Variants in TOM1L1 observed in about 807,000 individuals in gnomAD.
The protein encoded by TOM1L1 is TOM1-like protein 1.
In TOM1L1, 64 loss-of-function variants were observed where a neutral mutation model predicts 63.4. The observed-to-expected ratio is 1.01, with a 90% CI of 0.83 to 1.24. The LOEUF is 1.24. TOM1L1 is among the 50% of genes most tolerant of loss of function. The probability of loss-of-function intolerance (pLI) is 0.00; values close to 1 mark genes in which losing one functional copy is unlikely to be tolerated. For missense variants in TOM1L1, 536 were observed against 567.0 expected, an observed-to-expected ratio of 0.95 and a Z score of 0.55; for synonymous variants, 166 against 194.4, an observed-to-expected ratio of 0.85 and a Z score of 1.22.
At position 54,913,280 on chromosome 17, in the gene TOM1L1, T is replaced by C. The variant is rs75791935; in HGVS notation, c.372+465T>C. Reference sequence around the variant, plus strand: ...TTTATATTTTCCTAGCCTTTGAAAATGAGCATTTTGCCCATGGCATTCAAA... The same window carrying C: ...TTTATATTTTCCTAGCCTTTGAAAACGAGCATTTTGCCCATGGCATTCAAA... On this transcript the variant is annotated intron_variant, in intron 4 of 15. Coordinates refer to ENST00000575882, the MANE Select transcript of TOM1L1 (RefSeq NM_005486.3). Among the ~76,000 whole-genome samples, 367 of 152,326 alleles carry C rather than the reference T, an allele frequency of 2.4e-3. 1 individual carries two copies. Among genetic ancestry groups the C allele is most frequent in the Non-Finnish European group, 4.7e-3 (320 of 68,020 alleles).
chr17:54,949,203 A>ATTTTT lies in TOM1L1; in HGVS notation c.1183-303_1183-299dup, dbSNP rs58407367. 5.7e-3 allele frequency among the ~76,000 whole-genome samples: 698 copies of ATTTTT among 122,250 alleles called. 19 individuals carry two copies. The highest frequency in any genetic ancestry group is 8.6e-3 in the Admixed American group (98 of 11,386). The allele number at this position is 122,250 out of a possible 152,430, so 80.2% of individuals were successfully genotyped here. On this transcript the variant is annotated intron_variant, in intron 12 of 15. Transcript: ENST00000575882. ...CAGGTGTGAGCCACCATGCCCAGCT[A>ATTTTT]TTTTTTTTTTTTTTTTGTAGAGTTG...
Position 54,961,490 on chromosome 17 carries a change from A to G in TOM1L1, c.*257A>G. 9 of 1,436,592 alleles carry G rather than the reference A, an allele frequency of 6.3e-6. No individual in the cohort carries two copies. The South Asian group carries it at 1.3e-4, about 21-fold the overall frequency. 89.0% of individuals were successfully genotyped at this position (1,436,592 alleles called of 1,614,324 possible). A position where few individuals can be genotyped will look rare whatever the true frequency, so the allele number is the denominator to read the frequency against. ...AACTTCAGCAGAAGAAAAATTACTT[A>G]GTCCTTAGGCCAACCAATTTAACTG... On this transcript the variant is annotated 3_prime_UTR_variant, in exon 16 of 16. Transcript: ENST00000575882.
chr17:54,937,147 C>T lies in TOM1L1; in HGVS notation c.954C>T (p.Leu318=), dbSNP rs148676510. ...SEPSAPSQDL[L]DLSPSPRMPR... is the part of the protein sequence containing the mutation. ...CTTCTGCCCCATCTCAAGATCTCCTCGACCTAAGTCCCAGTCCCCGGATGC... is the reference window on the plus strand; with the variant it reads ...CTTCTGCCCCATCTCAAGATCTCCTTGACCTAAGTCCCAGTCCCCGGATGC... The change falls in exon 10 of 16, where the codon CTC becomes CTT. Residue 318 remains leucine (L), a synonymous_variant. Coordinates refer to ENST00000575882, the MANE Select transcript of TOM1L1 (RefSeq NM_005486.3). The T allele has an allele frequency of 2.2e-4, 356 of 1,612,894 alleles. No individual in the cohort carries two copies. The highest frequency in any genetic ancestry group is 2.7e-4 in the Non-Finnish European group (321 of 1,179,874).
chr17:54,932,708 A>ACCGC (rs1244755772), intron 8 of TOM1L1, among the ~76,000 whole-genome samples: 1 of 152,184 alleles, frequency 6.6e-6, no homozygotes, highest in Admixed American at 6.5e-5. Context: ...GGCGTGAGCC[A>ACCGC]CCGCGCCTGG....
At chr17:54,904,183 C>T (rs996195345) in intron 2 of TOM1L1, among the ~76,000 whole-genome samples, 1 of 151,892 alleles carries the variant, frequency 6.6e-6, no homozygotes, top group Non-Finnish European at 1.5e-5. Flanking sequence ...CTGGCTAACA[C>T]GTTGAAACCC....
Position 54,914,687 on chromosome 17 carries a change from G to A in TOM1L1, c.547G>A (p.Ala183Thr). The A allele has an allele frequency of 6.2e-7, 1 of 1,613,950 alleles. No homozygotes were observed. The change falls in exon 6 of 16, where the codon GCT becomes ACT. Residue 183 changes from alanine to threonine, a missense_variant. Transcript: ENST00000575882. ...TCCAACATCTGTCCCTACTGCACCA[G>A]CTCTTTCTTCTGTAATTGCTCCAAA... ...NPPTSVPTAPALSSVIAPKNS... is the reference protein window; with the variant it reads ...NPPTSVPTAPTLSSVIAPKNS...
At chr17:54,940,556 A>G (rs2049018728) in intron 11 of TOM1L1, among the ~76,000 whole-genome samples, 1 of 152,238 alleles carries the variant, frequency 6.6e-6, no homozygotes. Context: ...ATAGCAAGTA[A>G]TTGGAAACAA....
chr17:54,930,483 T>A, intron 8 of TOM1L1: 1 of 305,332 alleles, frequency 3.3e-6, no homozygotes, highest in Non-Finnish European at 6.1e-6. Context: ...GGCAGGAGGA[T>A]CACTTGAGCC....
chr17:54,943,959 CAGAAAGAGACTCTGTCTCAA>C (rs2049075087), intron 11 of TOM1L1, among the ~76,000 whole-genome samples: 1 of 151,198 alleles, frequency 6.6e-6, no homozygotes, highest in Non-Finnish European at 1.5e-5. Flanking sequence ...GCCTGAGTGA[CAGAAAGAGACTCTGTCTCAA>C]ATAAATAAAT....
At chr17:54,932,166 G>A (rs1291802359) in intron 8 of TOM1L1, among the ~76,000 whole-genome samples, 2 of 152,048 alleles carry the variant, frequency 1.3e-5, no homozygotes, top group African/African-American at 4.8e-5. Flanking sequence ...CAAGACTCCT[G>A]TATCAAGAGC....
chr17:54,914,911 C>T (rs1201370299), intron 6 of TOM1L1, among the ~76,000 whole-genome samples, 168 bp downstream of exon 6: 1 of 152,186 alleles, frequency 6.6e-6, no homozygotes, highest in Non-Finnish European at 1.5e-5. Flanking sequence ...AGTTCAGTTC[C>T]AAGAAGGAGT....
chr17:54,928,627 T>C (rs895184754), intron 7 of TOM1L1, among the ~76,000 whole-genome samples: 1 of 152,166 alleles, frequency 6.6e-6, no homozygotes, highest in Non-Finnish European at 1.5e-5. Context: ...AGTTGAGCAG[T>C]TGCAGCAAAG....
rs201901434 is a variant in TOM1L1, at chr17:54,931,908, G to A, written c.854+1702G>A. Among the ~76,000 whole-genome samples, 126 of 151,958 alleles carry A rather than the reference G, an allele frequency of 8.3e-4. No homozygotes were observed. In the East Asian group the frequency reaches 0.011, roughly 14 times the overall value. ...GCATCGACTGAAGATGTAAGCCTAG[G>A]AACCATGCTTGCTTTCTTTCTTTCT... On this transcript the variant is annotated intron_variant, in intron 8 of 15. Coordinates refer to ENST00000575882, the MANE Select transcript of TOM1L1 (RefSeq NM_005486.3).
chr17:54,912,905 A>G (rs1377859580), intron 4 of TOM1L1, 90 bp downstream of exon 4: 2 of 1,144,132 alleles, frequency 1.7e-6, no homozygotes, highest in Non-Finnish European at 2.3e-6. Context: ...TATCTTTTAT[A>G]TATCTAGGAT....
chr17:54,952,689 C>G (rs2049297161), intron 14 of TOM1L1: 1 of 152,114 alleles, frequency 6.6e-6, no homozygotes, highest in Non-Finnish European at 1.5e-5. Flanking sequence ...TAACTGCACA[C>G]TCTCCTCCTC....
intron 2 of TOM1L1, among the ~76,000 whole-genome samples, chr17:54,904,555 T>A (rs1205741238): frequency 1.3e-5 from 2 of 152,116 alleles, no homozygotes; most frequent in East Asian, 3.8e-4. Context: ...CAGTCTTTTT[T>A]CCTCCCTGTC....
At chr17:54,924,889 C>T (rs2048743035) in intron 7 of TOM1L1, among the ~76,000 whole-genome samples, 2 of 152,210 alleles carry the variant, frequency 1.3e-5, no homozygotes, top group Admixed American at 1.3e-4. Flanking sequence ...CAAATAACAT[C>T]CATTAACAAT....
At chr17:54,905,096 G>A (rs554534508) in intron 2 of TOM1L1, among the ~76,000 whole-genome samples, 1 of 152,230 alleles carries the variant, frequency 6.6e-6, no homozygotes, top group East Asian at 1.9e-4. Context: ...ACATCCCCTT[G>A]TCTATAGGGT....
intron 8 of TOM1L1, among the ~76,000 whole-genome samples, chr17:54,930,877 T>TA (rs199639566): frequency 0.02 from 2,994 of 151,424 alleles, 96 homozygotes; most frequent in African/African-American, 0.068. Flanking sequence ...AAATAAAAAA[T>TA]AAAAAAAATT....
Sources: allele counts gnomAD v4.1 joint callset (sites outside exome capture counted in the v4.1 genomes callset), GRCh38; gene constraint gnomAD v4.1.1; transcripts MANE v1.5; gene names NCBI Gene and HGNC (gene_info 2026-07-23, HGNC 2026-07-21).